Variants in BAZ2B observed in about 807,000 individuals in gnomAD.
BAZ2B encodes the protein bromodomain adjacent to zinc finger domain protein 2B.
Under a neutral mutation model 246.0 loss-of-function variants are expected in BAZ2B, and 91 were observed. The ratio of observed to expected loss-of-function variants is 0.37; its 90% confidence interval spans 0.31 to 0.44. BAZ2B has a LOEUF of 0.44. BAZ2B is among the 20% of genes least tolerant of loss of function. The probability of loss-of-function intolerance (pLI) is 1.00; values close to 1 mark genes in which losing one functional copy is unlikely to be tolerated. For synonymous variants in BAZ2B, 855 were observed against 860.0 expected (o/e 0.99, Z 0.10); for missense variants, 2,332 against 2,533.7 (o/e 0.92, Z 1.71).
At chr2:159,623,462 G>A in the BAZ2B span, among the ~76,000 whole-genome samples, 1 of 152,056 alleles carries the variant, frequency 6.6e-6, no homozygotes, top group Non-Finnish European at 1.5e-5. Context: ...AAAAACATTT[G>A]TAACCTTGCT....
chr2:159,453,866 A>T, intron 3 of BAZ2B, 65 bp from the exon 4 acceptor site: 1 of 1,269,146 alleles, frequency 7.9e-7, no homozygotes, highest in Non-Finnish European at 1.0e-6. Context: ...ATCTGATTTC[A>T]GTGTTTATAG....
chr2:159,649,586 C>T, the BAZ2B span, among the ~76,000 whole-genome samples: 1 of 152,098 alleles, frequency 6.6e-6, no homozygotes, highest in African/African-American at 2.4e-5. Flanking sequence ...GGGTTGGGGA[C>T]CCCTGCTGTA....
chr2:159,521,448 T>C (rs377203902), intron 2 of BAZ2B, among the ~76,000 whole-genome samples: 1 of 152,084 alleles, frequency 6.6e-6, no homozygotes, highest in African/African-American at 2.4e-5. Context: ...ACAGAGGCTG[T>C]GAGAATACAA....
At chr2:159,400,371 C>T (rs998165582) in intron 17 of BAZ2B, among the ~76,000 whole-genome samples, 4 of 152,102 alleles carry the variant, frequency 2.6e-5, no homozygotes, top group African/African-American at 9.7e-5. Context: ...CCACTGACTG[C>T]TCAGAAGTTT....
chr2:159,350,307 C>T lies in BAZ2B; in HGVS notation c.4264G>A (p.Val1422Ile), dbSNP rs1286350646. The change falls in exon 28 of 37, where the codon GTC becomes ATC. Residue 1422 changes from valine to isoleucine, a missense_variant. Transcript: ENST00000392783. The stretch of plus-strand genomic sequence containing the variant: ...TCAAACATTTCTTCTTTGATCTGGA[C>T]ACTTTCTGCCTTTTTCAGTTTTTCT... ...EREKLKKAES[V>I]QIKEEMFETS... The T allele has an allele frequency of 6.3e-7, 1 of 1,582,158 alleles. No individual in the cohort carries two copies. Among genetic ancestry groups the T allele is most frequent in the South Asian group, 1.2e-5 (1 of 84,974 alleles).
chr2:159,497,513 T>C lies in BAZ2B; in HGVS notation c.-2-18792A>G, dbSNP rs952523931. The stretch of plus-strand genomic sequence containing the variant: ...TGGTCAAAGCTGTCTGAAACAGATA[T>C]AACCCAAGGAGACAAGAGTTGGCCA... On this transcript the variant is annotated intron_variant, in intron 2 of 36. Coordinates refer to ENST00000392783, the MANE Select transcript of BAZ2B (RefSeq NM_013450.4). 9.2e-5 allele frequency among the ~76,000 whole-genome samples: 14 copies of C among 152,284 alleles called. No individual in the cohort carries two copies. The East Asian group carries it at 2.1e-3, about 23-fold the overall frequency.
At chr2:159,692,892 T>C in the BAZ2B span, among the ~76,000 whole-genome samples, 5 of 152,194 alleles carry the variant, frequency 3.3e-5, no homozygotes, top group Non-Finnish European at 5.9e-5. Flanking sequence ...GCTCACAGCC[T>C]TGAACCCCTT....
At chr2:159,396,624 A>C (rs1011178165) in intron 19 of BAZ2B, 2 of 152,184 alleles carry the variant, frequency 1.3e-5, no homozygotes, top group African/African-American at 4.8e-5. Flanking sequence ...TTTTTTGTTT[A>C]AGCATATTTG....
At chr2:159,531,083 T>C (rs1382591551) in intron 2 of BAZ2B, among the ~76,000 whole-genome samples, 1 of 152,222 alleles carries the variant, frequency 6.6e-6, no homozygotes, top group East Asian at 1.9e-4. Flanking sequence ...ATTATCATTA[T>C]GCATCTGTCA....
chr2:159,348,780 G>T lies in BAZ2B; in HGVS notation c.5191C>A (p.Leu1731Ile). The T allele has an allele frequency of 1.2e-6, 2 of 1,613,076 alleles. No homozygotes were observed. Among genetic ancestry groups the T allele is most frequent in the Non-Finnish European group, 1.7e-6 (2 of 1,179,776 alleles). ...IIDPEDLKAL[L>I]KVLHLRGIRE... ...ATTCCTCTGAGATGCAGCACTTTGAGCAAAGCTTTTAGGTCCTCTGGGTCA... is the reference window on the plus strand; with the variant it reads ...ATTCCTCTGAGATGCAGCACTTTGATCAAAGCTTTTAGGTCCTCTGGGTCA... The change falls in exon 30 of 37, where the codon CTC (leucine) becomes ATC (isoleucine). Residue 1731 changes from leucine to isoleucine, a missense_variant. Physicochemically the swap from Leu to Ile is conservative, Grantham distance 5. Transcript: ENST00000392783.
At chr2:159,670,121 C>A in the BAZ2B span, among the ~76,000 whole-genome samples, 1 of 152,090 alleles carries the variant, frequency 6.6e-6, no homozygotes, top group Admixed American at 6.6e-5. Context: ...CAGGCATGCA[C>A]CACCATGCCT....
intron 31 of BAZ2B, among the ~76,000 whole-genome samples, chr2:159,343,215 T>C (rs956181099): frequency 6.6e-6 from 1 of 152,226 alleles, no homozygotes; most frequent in Non-Finnish European, 1.5e-5. Flanking sequence ...GATATCCATA[T>C]GCAGAGGAAT....
chr2:159,382,740 C>T lies in BAZ2B; in HGVS notation c.3824G>A (p.Gly1275Glu). The T allele has an allele frequency of 6.2e-7, 1 of 1,613,774 alleles. No homozygotes were observed. Among genetic ancestry groups the T allele is most frequent in the African/African-American group, 1.3e-5 (1 of 74,998 alleles). The change falls in exon 25 of 37, where the codon GGA becomes GAA. Residue 1275 changes from glycine (G) to glutamate (E), a missense_variant. Transcript: ENST00000392783. ...KRDTSGGIDL[G>E]EEQHPLGTPT... ...TGTGCCCAAGGGATGCTGCTCTTCTCCCAGATCAATGCCACCTGAAGTGTC... is the reference window on the plus strand; with the variant it reads ...TGTGCCCAAGGGATGCTGCTCTTCTTCCAGATCAATGCCACCTGAAGTGTC...
the BAZ2B span, among the ~76,000 whole-genome samples, chr2:159,703,399 T>C: frequency 6.6e-6 from 1 of 152,126 alleles, no homozygotes; most frequent in Non-Finnish European, 1.5e-5. Flanking sequence ...CAGCCAAGGC[T>C]TTCCATTTAA....
chr2:159,345,875 G>T (rs1435689595), intron 31 of BAZ2B, among the ~76,000 whole-genome samples: 1 of 152,190 alleles, frequency 6.6e-6, no homozygotes, highest in Admixed American at 6.5e-5. Context: ...GGGAATTATT[G>T]TCTGATAATT....
At chr2:159,476,595 C>G (rs1338180445) in intron 3 of BAZ2B, among the ~76,000 whole-genome samples, 2 of 152,018 alleles carry the variant, frequency 1.3e-5, no homozygotes, top group African/African-American at 2.4e-5. Flanking sequence ...TTCAGAAAAC[C>G]AAGTGAGAAA....
At chr2:159,408,735 A>G (rs1306542584) in intron 14 of BAZ2B, among the ~76,000 whole-genome samples, 4 of 152,192 alleles carry the variant, frequency 2.6e-5, no homozygotes, top group Admixed American at 1.3e-4. Context: ...CCTGGCCAAC[A>G]TGGTGAAAAC....
the BAZ2B span, among the ~76,000 whole-genome samples, chr2:159,646,408 T>C: frequency 6.6e-6 from 1 of 152,120 alleles, no homozygotes; most frequent in Non-Finnish European, 1.5e-5. Context: ...CTACAATTTT[T>C]GCAGTTAATG....
At chr2:159,433,464 C>G (rs2071531024) in intron 8 of BAZ2B, 101 bp from the exon 9 acceptor site, 1 of 1,054,710 alleles carries the variant, frequency 9.5e-7, no homozygotes, top group Admixed American at 2.7e-5. Flanking sequence ...GCTATTATAT[C>G]ATATATAAAT....
Sources: allele counts gnomAD v4.1 joint callset (sites outside exome capture counted in the v4.1 genomes callset), GRCh38; gene constraint gnomAD v4.1.1; transcripts MANE v1.5; gene names NCBI Gene and HGNC (gene_info 2026-07-23, HGNC 2026-07-21).